The following SLC1A3 variants were observed in gnomAD, a reference collection of about 807,000 sequenced individuals.
SLC1A3 encodes solute carrier family 1 member 3.
SLC1A3 carries 21 observed loss-of-function variants against 48.1 expected under a neutral mutation model. That is an observed-to-expected ratio of 0.44 (90% CI 0.31 to 0.63). The LOEUF (loss-of-function observed/expected upper bound fraction) is 0.63, where lower values mean the gene tolerates loss of function less well. SLC1A3 is among the 20% of genes least tolerant of loss of function. SLC1A3 has a pLI of 0.08. For synonymous variants in SLC1A3, 239 were observed against 251.4 expected (o/e 0.95, Z 0.47); for missense variants, 546 against 689.0 (o/e 0.79, Z 2.32).
chr5:36,614,968 T>C (rs898175411), intron 2 of SLC1A3, among the ~76,000 whole-genome samples: 2 of 152,228 alleles, frequency 1.3e-5, no homozygotes, highest in Admixed American at 6.5e-5. Flanking sequence ...CAATTTCAAA[T>C]TTCTCTTTCA....
chr5:36,616,579 G>A (rs1739445235), intron 2 of SLC1A3, among the ~76,000 whole-genome samples: 1 of 152,160 alleles, frequency 6.6e-6, no homozygotes, highest in Non-Finnish European at 1.5e-5. Context: ...ACAAACTGCT[G>A]CTGCTTCACA....
At chr5:36,632,609 C>T (rs527808554) in intron 3 of SLC1A3, among the ~76,000 whole-genome samples, 1 of 152,230 alleles carries the variant, frequency 6.6e-6, no homozygotes, top group Admixed American at 6.5e-5. Context: ...GAAATATTTC[C>T]CAGTGGGGAA....
At chr5:36,616,193 T>A (rs1739424628) in intron 2 of SLC1A3, among the ~76,000 whole-genome samples, 1 of 148,382 alleles carries the variant, frequency 6.7e-6, no homozygotes, top group African/African-American at 2.5e-5. Flanking sequence ...AGACTCCATC[T>A]AAAAAAAAAA....
chr5:36,626,752 G>A (rs541240573), intron 2 of SLC1A3, among the ~76,000 whole-genome samples: 1 of 152,298 alleles, frequency 6.6e-6, no homozygotes, highest in Admixed American at 6.5e-5. Flanking sequence ...GAGCAAGCAG[G>A]AAAAAGACAG....
rs1406951872 is a variant in SLC1A3, at chr5:36,608,487, G to T, written c.64G>T (p.Val22Phe). The change falls in exon 2 of 10, where the codon GTC (valine) becomes TTC (phenylalanine). Residue 22 changes from valine to phenylalanine, a missense_variant. By Grantham distance (50) the Val-to-Phe change is conservative (BLOSUM62 -1). Around this residue, in one of 3 missense-constraint regions of SLC1A3, gnomAD observed 348 missense variants for 392.0 expected, o/e 0.89. Coordinates refer to ENST00000265113, the MANE Select transcript of SLC1A3 (RefSeq NM_004172.5). ...CAGGATGGAGAGATTCCAGCAGGGA[G>T]TCCGTAAACGCACACTTTTGGCCAA... is the stretch of plus-strand genomic sequence containing the variant. ...GGRMERFQQG[V>F]RKRTLLAKKK... 1 of 1,614,034 alleles carries T rather than the reference G, an allele frequency of 6.2e-7. No individual in the cohort carries two copies. Among genetic ancestry groups the T allele is most frequent in the Non-Finnish European group, 8.5e-7 (1 of 1,179,882 alleles).
At chr5:36,671,293 G>A in intron 4 of SLC1A3, 60 bp downstream of exon 4, 1 of 1,225,354 alleles carries the variant, frequency 8.2e-7, no homozygotes, top group East Asian at 2.4e-5. Flanking sequence ...CCTCTTACTG[G>A]TTACTATTCA....
intron 5 of SLC1A3, among the ~76,000 whole-genome samples, chr5:36,674,972 G>A (rs1481135946): frequency 6.6e-6 from 1 of 152,118 alleles, no homozygotes. Flanking sequence ...GAATATAAGA[G>A]CTTTGTTGCC....
intron 4 of SLC1A3, 131 bp downstream of exon 4, chr5:36,671,364 T>C: frequency 1.4e-6 from 1 of 717,866 alleles, no homozygotes; most frequent in Non-Finnish European, 2.6e-6. Context: ...AGGTCATATA[T>C]CTTTACCTCT....
At chr5:36,604,318 T>C (rs1738841190), upstream of SLC1A3, among the ~76,000 whole-genome samples, 3 of 149,032 alleles carry the variant, frequency 2.0e-5, no homozygotes, top group South Asian at 4.2e-4. Flanking sequence ...TGATCTTTCA[T>C]TTATTTAGTG....
At chr5:36,633,031 T>C (rs538081881) in intron 3 of SLC1A3, among the ~76,000 whole-genome samples, 1 of 152,266 alleles carries the variant, frequency 6.6e-6, no homozygotes, top group Admixed American at 6.5e-5. Context: ...CACCACACAA[T>C]AAAATAGGGG....
Position 36,676,971 on chromosome 5 carries a change from A to G in SLC1A3, c.647A>G (p.Asn216Ser), listed in dbSNP as rs1182413411. Residue 216 changes from asparagine to serine, a missense_variant, in exon 6 of 10, where the codon AAT (asparagine) becomes AGT (serine). Asn to Ser is a conservative substitution (Grantham distance 46). This residue lies in a region of SLC1A3 where 348 missense variants were observed against 392.0 expected (regional missense o/e 0.89). Transcript: ENST00000265113. ...NETLVGAVIN[N>S]VSEAMETLTR... ...ACGCTTGTGGGTGCTGTGATAAACAATGTGTCTGAGGCCATGGAGACTCTT... is the reference window on the plus strand; with the variant it reads ...ACGCTTGTGGGTGCTGTGATAAACAGTGTGTCTGAGGCCATGGAGACTCTT... 1 of 1,613,970 alleles carries G rather than the reference A, an allele frequency of 6.2e-7. No individual in the cohort carries two copies. Among genetic ancestry groups the G allele is most frequent in the Non-Finnish European group, 8.5e-7 (1 of 1,179,956 alleles).
chr5:36,616,719 C>T (rs189603220), intron 2 of SLC1A3, among the ~76,000 whole-genome samples: 98 of 152,234 alleles, frequency 6.4e-4, no homozygotes, highest in Non-Finnish European at 1.0e-3. Context: ...TTATACACAT[C>T]GCATTACTTG....
chr5:36,597,734 T>C lies in SLC1A3; in HGVS notation c.-96+1056T>C, dbSNP rs181580264. On this transcript the variant is annotated intron_variant, in intron 1 of 9. Transcript: ENST00000680318. ...CTTGCTGGTCCCCTCACAGGACTTG[T>C]CTTGCTCCCGCCATTTCTTCCGCCT... 1.3e-4 allele frequency among the ~76,000 whole-genome samples: 20 copies of C among 152,186 alleles called. No homozygotes were observed. In the East Asian group the frequency reaches 3.9e-3, roughly 30 times the overall value.
chr5:36,636,006 T>A (rs969951270), intron 3 of SLC1A3: 2 of 148,986 alleles, frequency 1.3e-5, no homozygotes, highest in African/African-American at 5.0e-5. Flanking sequence ...GTAAACTTTT[T>A]TTGCATCATG....
At chr5:36,607,908 T>C (rs1739020199) in intron 1 of SLC1A3, among the ~76,000 whole-genome samples, 1 of 152,208 alleles carries the variant, frequency 6.6e-6, no homozygotes, top group African/African-American at 2.4e-5. Flanking sequence ...CTGGTTATGC[T>C]TTCAACCATG....
intron 9 of SLC1A3, 40 bp from the exon 10 acceptor site, chr5:36,686,025 C>T (rs201976971): frequency 1.2e-5 from 19 of 1,550,248 alleles, no homozygotes; most frequent in East Asian, 2.2e-5. Flanking sequence ...GTGATGCTCA[C>T]GGGAGCCTCG....
intron 3 of SLC1A3, among the ~76,000 whole-genome samples, chr5:36,631,261 A>G (rs974225436): frequency 6.6e-6 from 1 of 152,204 alleles, no homozygotes; most frequent in African/African-American, 2.4e-5. Flanking sequence ...TTACTCTTTA[A>G]AAGAGAAAAG....
At chr5:36,630,732 A>G (rs1740103386) in intron 3 of SLC1A3, among the ~76,000 whole-genome samples, 1 of 152,184 alleles carries the variant, frequency 6.6e-6, no homozygotes. Flanking sequence ...TATTACTTAG[A>G]CAGGAACTAT....
chr5:36,671,027 A>G lies in SLC1A3; in HGVS notation c.320-2A>G. The G allele has an allele frequency of 6.2e-7, 1 of 1,613,728 alleles. No individual in the cohort carries two copies. The highest frequency in any genetic ancestry group is 8.5e-7 in the Non-Finnish European group (1 of 1,179,676). On this transcript the variant is annotated splice_acceptor_variant, in intron 3 of 9. Transcript: ENST00000265113. LOFTEE classifies it high-confidence loss of function. ...TGAAAATCTTCTGTTTGCCTCCACC[A>G]GGAATGGCGGCGCTAGATAGTAAGG...
Sources: allele counts gnomAD v4.1 joint callset (sites outside exome capture counted in the v4.1 genomes callset), GRCh38; gene constraint gnomAD v4.1.1; regional missense constraint gnomAD v4.1.1; transcripts MANE v1.5; gene names NCBI Gene and HGNC (gene_info 2026-07-23, HGNC 2026-07-21).